STOML3: variants seen among roughly 807,000 people sequenced by gnomAD.
The protein encoded by STOML3 is stomatin like 3, also known as stomatin-like protein 3.
Under a neutral mutation model 29.5 loss-of-function variants are expected in STOML3, and 31 were observed. The ratio of observed to expected loss-of-function variants is 1.05; its 90% CI spans 0.79 to 1.42. STOML3 has a LOEUF of 1.42. Among genes scored for constraint, STOML3 ranks in the 40% most tolerant of loss-of-function variants. The probability of loss-of-function intolerance (pLI) is 0.00; values close to 1 mark genes in which losing one functional copy is unlikely to be tolerated. For synonymous variants in STOML3, 122 were observed against 139.8 expected (o/e 0.87, Z 0.90); for missense variants, 380 against 363.0 (o/e 1.05, Z -0.38).
At chr13:38,976,976 T>C (rs1881104126) in intron 1 of STOML3, among the ~76,000 whole-genome samples, 179 bp from the exon 2 acceptor site, 1 of 152,226 alleles carries the variant, frequency 6.6e-6, no homozygotes, top group Non-Finnish European at 1.5e-5. Context: ...CAAATGTTTA[T>C]TCAGGTTTTT....
intron 1 of STOML3, among the ~76,000 whole-genome samples, chr13:38,984,552 C>A (rs777365411): frequency 7.3e-4 from 111 of 152,112 alleles, no homozygotes; most frequent in Non-Finnish European, 1.2e-3. Context: ...AAATACTTAC[C>A]ATAGTGTTAC....
chr13:38,976,702 A>T lies in STOML3; in HGVS notation c.148T>A (p.Cys50Ser). The T allele has an allele frequency of 6.2e-7, 1 of 1,614,034 alleles. No individual in the cohort carries two copies. The highest frequency in any genetic ancestry group is 8.5e-7 in the Non-Finnish European group (1 of 1,179,928). The change falls in exon 2 of 7, where the codon TGC becomes AGC. Residue 50 changes from cysteine to serine, a missense_variant. By Grantham distance (112) the Cys-to-Ser change is moderately radical (BLOSUM62 -1). Transcript: ENST00000379631. ...IITFPISIWM[C>S]LKIIKEYERA... ...ATTTCCCAGGGTGTTACCTTCAAGC[A>T]CATCCATATGGAGATGGGGAAGGTA...
chr13:38,976,191 C>T (rs1017467449), intron 3 of STOML3, among the ~76,000 whole-genome samples: 9 of 152,112 alleles, frequency 5.9e-5, no homozygotes, highest in Admixed American at 2.6e-4. Context: ...TAATAGTGTG[C>T]GTTGGCCATT....
intron 5 of STOML3, among the ~76,000 whole-genome samples, chr13:38,969,276 T>A (rs925522162): frequency 6.6e-6 from 1 of 152,146 alleles, no homozygotes; most frequent in African/African-American, 2.4e-5. Context: ...ATGAGTGTCT[T>A]GAGAAATGGT....
chr13:38,972,937 T>C (rs1880931710), intron 3 of STOML3, among the ~76,000 whole-genome samples: 1 of 151,030 alleles, frequency 6.6e-6, no homozygotes, highest in Non-Finnish European at 1.5e-5. Flanking sequence ...TTGGGACAAG[T>C]GGAAAATTTG....
At chr13:38,988,299 ATATATTTTATATATAATATAT>A (rs1373262156) in intron 1 of STOML3, among the ~76,000 whole-genome samples, 1,027 of 77,672 alleles carry the variant, frequency 0.013, 109 homozygotes, top group South Asian at 0.03. Context: ...ATTTTATATC[ATATATTTTATATATAATATAT>A]TATATTTTAT....
chr13:38,979,901 T>TA (rs1048906237), intron 1 of STOML3: 90 of 745,864 alleles, frequency 1.2e-4, no homozygotes, highest in Admixed American at 1.1e-3. Flanking sequence ...GGGCTATGAC[T>TA]AGCAGCACAG....
At chr13:38,982,208 G>A (rs1204140601) in intron 1 of STOML3, among the ~76,000 whole-genome samples, 4 of 150,936 alleles carry the variant, frequency 2.7e-5, no homozygotes, top group African/African-American at 9.8e-5. Context: ...CTGACCCTAG[G>A]CCCCTAATCT....
In STOML3 at chr13:38,988,208, A is replaced by T. The variant is rs1205702893; in HGVS notation, c.52+2462T>A. Among the ~76,000 whole-genome samples the T allele has an allele frequency of 2.3e-4, 17 of 74,606 alleles. 2 individuals are homozygous for T. Among genetic ancestry groups the T allele is most frequent in the Admixed American group, 1.8e-3 (8 of 4,442 alleles). The allele number at this position is 74,606 out of a possible 152,430, so 48.9% of individuals were successfully genotyped here. The stretch of plus-strand genomic sequence containing the variant: ...TATAAAATATATTATATTTCATATA[A>T]AATATATGATATTTTATATCATATA... On this transcript the variant is annotated intron_variant, in intron 1 of 6. Transcript: ENST00000379631.
At chr13:38,975,952 T>C (rs1881059126) in intron 3 of STOML3, among the ~76,000 whole-genome samples, 1 of 152,318 alleles carries the variant, frequency 6.6e-6, no homozygotes, top group East Asian at 1.9e-4. Flanking sequence ...CTCATCTTTA[T>C]TTCTAACTGT....
intron 4 of STOML3, among the ~76,000 whole-genome samples, chr13:38,971,010 A>G (rs758346902): frequency 1.1e-4 from 17 of 151,322 alleles, no homozygotes; most frequent in Non-Finnish European, 1.9e-4. Context: ...AAGCATCCCA[A>G]CCTCTCCTGA....
At chr13:38,978,838 G>A (rs975394985) in intron 1 of STOML3, among the ~76,000 whole-genome samples, 21 of 152,286 alleles carry the variant, frequency 1.4e-4, no homozygotes, top group African/African-American at 4.6e-4. Flanking sequence ...GCGATGTTTT[G>A]ATGAATGTTT....
chr13:38,970,875 C>T (rs753624313), intron 4 of STOML3, among the ~76,000 whole-genome samples: 2 of 152,074 alleles, frequency 1.3e-5, no homozygotes, highest in Non-Finnish European at 2.9e-5. Flanking sequence ...AGAGGCTCAG[C>T]ATCAATCATT....
chr13:38,967,278 T>C (rs1880692625), intron 6 of STOML3, among the ~76,000 whole-genome samples: 1 of 152,060 alleles, frequency 6.6e-6, no homozygotes, highest in Admixed American at 6.5e-5. Flanking sequence ...TCCCTAGATT[T>C]TATCATCAAA....
At chr13:38,979,116 A>C (rs952582283) in intron 1 of STOML3, among the ~76,000 whole-genome samples, 9 of 152,198 alleles carry the variant, frequency 5.9e-5, no homozygotes, top group African/African-American at 1.9e-4. Flanking sequence ...ATGGCCTTTT[A>C]TATGCTCCAA....
intron 4 of STOML3, 52 bp from the exon 5 acceptor site, chr13:38,970,440 T>A: frequency 6.7e-7 from 1 of 1,484,872 alleles, no homozygotes; most frequent in Non-Finnish European, 9.3e-7. Context: ...TCACCACTAC[T>A]GACAAAGTGA....
chr13:38,982,299 A>G (rs918072453), intron 1 of STOML3, among the ~76,000 whole-genome samples: 8 of 151,968 alleles, frequency 5.3e-5, no homozygotes, highest in Non-Finnish European at 1.5e-5. Context: ...TGTCATTATA[A>G]ATTCTTTTTT....
chr13:38,984,360 C>CTTCTT (rs1381366176), intron 1 of STOML3, among the ~76,000 whole-genome samples: 1 of 152,142 alleles, frequency 6.6e-6, no homozygotes, highest in African/African-American at 2.4e-5. Flanking sequence ...CAAACATCCC[C>CTTCTT]TTCTTTTCCA....
chr13:38,975,245 T>C (rs901085971), intron 3 of STOML3, among the ~76,000 whole-genome samples: 1 of 150,406 alleles, frequency 6.6e-6, no homozygotes, highest in African/African-American at 2.5e-5. Flanking sequence ...CACTTGAACC[T>C]GGAAGGCAGA....
Sources: gnomAD v4.1 joint callset for allele counts (sites outside exome capture counted in the v4.1 genomes callset) on GRCh38, gnomAD v4.1.1 for gene constraint, MANE v1.5 for transcripts, NCBI Gene and HGNC (gene_info 2026-07-23, HGNC 2026-07-21) for gene names.